The following WWOX variants were observed in gnomAD, a reference collection of about 807,000 sequenced individuals.
WWOX encodes the protein WW domain-containing oxidoreductase.
A neutral mutation model predicts 46.2 loss-of-function variants in WWOX; 69 were observed. The ratio of observed to expected loss-of-function variants is 1.49; its 90% confidence interval spans 1.23 to 1.82. The LOEUF (loss-of-function observed/expected upper bound fraction) is 1.82, where lower values mean the gene tolerates loss of function less well. Among genes scored for constraint, WWOX ranks in the 40% most tolerant of loss-of-function variants. The pLI is 0.00. For synonymous variants in WWOX, 359 were observed against 202.6 expected (o/e 1.77, Z -6.56); for missense variants, 919 against 542.6 (o/e 1.69, Z -6.89).
rs138533673 is a variant in WWOX at position 78,436,754 on chromosome 16, G to C, written c.1056+4002G>C. Among the ~76,000 whole-genome samples the C allele has an allele frequency of 6.0e-3, 919 of 152,020 alleles. 8 individuals carry two copies. The highest frequency in any genetic ancestry group is 0.021 in the African/African-American group (867 of 41,434). On this transcript the variant is annotated intron_variant, in intron 8 of 8. Transcript: ENST00000566780. ...GGAATCACTGTGAATGTAGACCTCGGGTTGGTCATTTTCCTAGTAAGATAG... is the reference window on the plus strand; with the variant it reads ...GGAATCACTGTGAATGTAGACCTCGCGTTGGTCATTTTCCTAGTAAGATAG...
At chr16:78,837,252 G>A (rs1040845848) in intron 8 of WWOX, among the ~76,000 whole-genome samples, 7 of 152,142 alleles carry the variant, frequency 4.6e-5, no homozygotes, top group African/African-American at 1.7e-4. Context: ...CTCTTATCAC[G>A]GTTCATAGAG....
chr16:79,114,788 G>T (rs914341124), intron 8 of WWOX, among the ~76,000 whole-genome samples: 31 of 152,246 alleles, frequency 2.0e-4, no homozygotes, highest in African/African-American at 7.0e-4. Context: ...CAGCTGCCCC[G>T]AGCAGGAGCA....
intron 5 of WWOX, among the ~76,000 whole-genome samples, chr16:78,327,098 T>C (rs1249909902): frequency 1.3e-5 from 2 of 152,120 alleles, no homozygotes; most frequent in East Asian, 1.9e-4. Context: ...ATCCTGACCT[T>C]GTGACTTTCA....
At chr16:78,525,489 T>G (rs1567622256) in intron 8 of WWOX, 1 of 152,160 alleles carries the variant, frequency 6.6e-6, no homozygotes, top group Non-Finnish European at 1.5e-5. Context: ...CCGGCCCAGA[T>G]TTTCTTATAA....
At chr16:78,509,950 A>G (rs1332274423) in intron 8 of WWOX, among the ~76,000 whole-genome samples, 1 of 150,742 alleles carries the variant, frequency 6.6e-6, no homozygotes, top group African/African-American at 2.4e-5. Flanking sequence ...AAGAAAGAAA[A>G]ATTAGCTGGC....
In WWOX at chr16:78,979,629, A is replaced by C. The variant is rs560796518; in HGVS notation, c.1057-231979A>C. On this transcript the variant is annotated intron_variant, in intron 8 of 8. Transcript: ENST00000566780. Reference sequence around the variant, plus strand: ...GGGAGTTTCTACCGATGCTCTTGAAAGGATCTTGTTACTCAGATGTCTCTA... The same window carrying C: ...GGGAGTTTCTACCGATGCTCTTGAACGGATCTTGTTACTCAGATGTCTCTA... Among the ~76,000 whole-genome samples the C allele has an allele frequency of 3.3e-5, 5 of 152,274 alleles. No individual in the cohort carries two copies. In the South Asian group the frequency reaches 1.0e-3, roughly 32 times the overall value.
At chr16:78,437,431 T>C (rs1322833109) in intron 8 of WWOX, among the ~76,000 whole-genome samples, 1 of 152,252 alleles carries the variant, frequency 6.6e-6, no homozygotes, top group Non-Finnish European at 1.5e-5. Flanking sequence ...TTTCTAATTG[T>C]TGCTGTAAAT....
chr16:79,100,217 C>T (rs931246359), intron 8 of WWOX, among the ~76,000 whole-genome samples: 2 of 151,928 alleles, frequency 1.3e-5, no homozygotes, highest in South Asian at 2.1e-4. Context: ...AATGGACCAT[C>T]CCAGGGTAGA....
intron 8 of WWOX, among the ~76,000 whole-genome samples, chr16:78,743,750 C>G (rs999535247): frequency 6.6e-6 from 1 of 152,146 alleles, no homozygotes; most frequent in Non-Finnish European, 1.5e-5. Context: ...GGTTGCTTTT[C>G]ACAACCTATC....
chr16:78,462,046 A>C (rs1254995164), intron 8 of WWOX, among the ~76,000 whole-genome samples: 1 of 152,174 alleles, frequency 6.6e-6, no homozygotes, highest in Non-Finnish European at 1.5e-5. Flanking sequence ...GTACCTTTTT[A>C]CATATGCACA....
chr16:78,319,173 A>G (rs1450516389), intron 5 of WWOX, among the ~76,000 whole-genome samples: 1 of 152,196 alleles, frequency 6.6e-6, no homozygotes, highest in East Asian at 1.9e-4. Context: ...AAATGGAGGG[A>G]GGCGGGCATG....
chr16:78,778,203 A>G (rs2050239343), intron 8 of WWOX, among the ~76,000 whole-genome samples: 1 of 152,122 alleles, frequency 6.6e-6, no homozygotes, highest in African/African-American at 2.4e-5. Flanking sequence ...CTGATTTCCT[A>G]GCCATACCAG....
At chr16:78,776,371 G>T (rs905020416) in intron 8 of WWOX, among the ~76,000 whole-genome samples, 1 of 152,106 alleles carries the variant, frequency 6.6e-6, no homozygotes, top group Non-Finnish European at 1.5e-5. Flanking sequence ...TCCTGCCTCT[G>T]TGACACTTGC....
At chr16:79,078,928 C>G (rs2048709734) in intron 8 of WWOX, among the ~76,000 whole-genome samples, 1 of 152,162 alleles carries the variant, frequency 6.6e-6, no homozygotes, top group Non-Finnish European at 1.5e-5. Context: ...AGGCCTCTCC[C>G]AACCAGAGAT....
At chr16:78,726,923 C>G (rs2048849378) in intron 8 of WWOX, among the ~76,000 whole-genome samples, 1 of 152,164 alleles carries the variant, frequency 6.6e-6, no homozygotes, top group Admixed American at 6.5e-5. Flanking sequence ...GTGGCTCTAA[C>G]CTGTTAGGGC....
At chr16:78,775,615 A>G (rs888431890) in intron 8 of WWOX, among the ~76,000 whole-genome samples, 3 of 151,946 alleles carry the variant, frequency 2.0e-5, no homozygotes, top group African/African-American at 7.3e-5. Context: ...CCACAACTTC[A>G]CCCTGCTCCA....
At chr16:78,879,959 C>A (rs184395020) in intron 8 of WWOX, among the ~76,000 whole-genome samples, 1 of 151,928 alleles carries the variant, frequency 6.6e-6, no homozygotes, top group Non-Finnish European at 1.5e-5. Context: ...TAGTTTAAGC[C>A]TCACATTTTT....
At chr16:79,211,541 C>T (rs902264339) in intron 8 of WWOX, 67 bp from the exon 9 acceptor site, 60 of 1,604,544 alleles carry the variant, frequency 3.7e-5, no homozygotes, top group Middle Eastern at 2.0e-4. Context: ...CCCAGGCAGT[C>T]GAAATGACGC....
chr16:78,578,489 C>T (rs2044961698), intron 8 of WWOX, among the ~76,000 whole-genome samples: 1 of 151,118 alleles, frequency 6.6e-6, no homozygotes, highest in African/African-American at 2.4e-5. Context: ...CAGGGTTTCA[C>T]CATGTTATCA....
Sources: allele counts gnomAD v4.1 joint callset (sites outside exome capture counted in the v4.1 genomes callset), GRCh38; gene constraint gnomAD v4.1.1; transcripts MANE v1.5; gene names NCBI Gene and HGNC (gene_info 2026-07-23, HGNC 2026-07-21).